Variants in NBAS observed in about 807,000 individuals in gnomAD.
NBAS encodes NBAS subunit of NRZ tethering complex, also known as NAG/BC035112 fusion.
Under a neutral mutation model 302.5 loss-of-function variants are expected in NBAS, and 219 were observed. The ratio of observed to expected loss-of-function variants is 0.72; its 90% confidence interval spans 0.65 to 0.81. The LOEUF is 0.81. Among genes scored for constraint, NBAS ranks in the 30% least tolerant of loss-of-function variants. The pLI is 0.00. For missense variants in NBAS, 2,932 were observed against 2,841.6 expected, an observed-to-expected ratio of 1.03 and a Z score of -0.72; for synonymous variants, 1,118 against 1,021.6, an observed-to-expected ratio of 1.09 and a Z score of -1.80.
chr2:15,271,380 T>C (rs888262408), intron 44 of NBAS, among the ~76,000 whole-genome samples: 1 of 152,226 alleles, frequency 6.6e-6, no homozygotes, highest in Non-Finnish European at 1.5e-5. Context: ...TCAATAATTT[T>C]TCTGCTACAA....
the NBAS span, among the ~76,000 whole-genome samples, chr2:14,984,813 C>A: frequency 6.6e-6 from 1 of 152,172 alleles, no homozygotes; most frequent in East Asian, 1.9e-4. Flanking sequence ...GTAGGCAGGT[C>A]TTTTCCTACC....
chr2:14,860,470 T>C, the NBAS span, among the ~76,000 whole-genome samples: 43,467 of 152,096 alleles, frequency 0.29, 6,969 homozygotes, highest in East Asian at 0.4. Context: ...GAGAATGTGA[T>C]ATATAAACAC....
chr2:15,538,317 G>A, intron 7 of NBAS: 1 of 470,416 alleles, frequency 2.1e-6, no homozygotes, highest in Non-Finnish European at 4.3e-6. Context: ...CCTTATTTTG[G>A]CTAAGATTCC....
chr2:15,561,134 A>G, intron 1 of NBAS, 54 bp downstream of exon 1: 1 of 1,523,842 alleles, frequency 6.6e-7, no homozygotes, highest in Non-Finnish European at 9.0e-7. Context: ...ACGTGGCTCT[A>G]CCCACGAAGC....
At chr2:15,006,695 A>C in the NBAS span, among the ~76,000 whole-genome samples, 1 of 152,242 alleles carries the variant, frequency 6.6e-6, no homozygotes, top group Non-Finnish European at 1.5e-5. Flanking sequence ...ACAATTAAAA[A>C]TACGATTTTT....
intron 32 of NBAS, among the ~76,000 whole-genome samples, chr2:15,362,411 G>T (rs1673978974): frequency 6.6e-6 from 1 of 152,052 alleles, no homozygotes; most frequent in South Asian, 2.1e-4. Flanking sequence ...AGGAGGCTGA[G>T]GCAGGAGGAT....
At chr2:15,024,692 T>A in the NBAS span, among the ~76,000 whole-genome samples, 1 of 152,140 alleles carries the variant, frequency 6.6e-6, no homozygotes, top group Admixed American at 6.5e-5. Flanking sequence ...TCTCATTGTG[T>A]TTGATTTGCA....
At chr2:15,207,158 T>C (rs896534811) in intron 48 of NBAS, among the ~76,000 whole-genome samples, 1 of 152,170 alleles carries the variant, frequency 6.6e-6, no homozygotes, top group African/African-American at 2.4e-5. Context: ...GGAGCCTACA[T>C]CTTGCATGAC....
At chr2:15,287,744 C>A (rs1272782538) in intron 41 of NBAS, among the ~76,000 whole-genome samples, 1 of 151,512 alleles carries the variant, frequency 6.6e-6, no homozygotes, top group Admixed American at 6.6e-5. Flanking sequence ...TAGGCATCCC[C>A]GCATAAACAT....
chr2:15,003,441 C>A, the NBAS span, among the ~76,000 whole-genome samples: 2 of 152,270 alleles, frequency 1.3e-5, no homozygotes, highest in East Asian at 3.9e-4. Context: ...CCAACCCACT[C>A]ATAAAACTTA....
At chr2:15,309,374 C>T in intron 38 of NBAS, 127 bp from the exon 39 acceptor site, 1 of 710,176 alleles carries the variant, frequency 1.4e-6, no homozygotes, top group Non-Finnish European at 2.4e-6. Flanking sequence ...TTAGGAAAGG[C>T]TGTTCAGCAC....
At chr2:14,904,910 G>A in the NBAS span, among the ~76,000 whole-genome samples, 14 of 151,918 alleles carry the variant, frequency 9.2e-5, no homozygotes, top group African/African-American at 2.9e-4. Flanking sequence ...TTAGCCAGGC[G>A]CAGTGGCGGG....
the NBAS span, among the ~76,000 whole-genome samples, chr2:15,122,620 T>A: frequency 3.9e-5 from 6 of 152,132 alleles, no homozygotes; most frequent in East Asian, 1.2e-3. Flanking sequence ...GTATGAGGAC[T>A]AGAAATGTTA....
intron 32 of NBAS, among the ~76,000 whole-genome samples, chr2:15,365,878 CA>C (rs570296874): frequency 8.3e-5 from 12 of 145,454 alleles, no homozygotes; most frequent in Admixed American, 1.4e-4. Flanking sequence ...GACAAAACTA[CA>C]AAAAAAAAAG....
chr2:15,495,265 C>A (rs540822819), intron 11 of NBAS, among the ~76,000 whole-genome samples: 11 of 152,234 alleles, frequency 7.2e-5, no homozygotes, highest in East Asian at 3.9e-4. Flanking sequence ...AAAACAGATA[C>A]GATCCTCTTG....
intron 17 of NBAS, 107 bp downstream of exon 17, chr2:15,468,275 A>T (rs1679810568): frequency 7.5e-7 from 1 of 1,329,026 alleles, no homozygotes; most frequent in Non-Finnish European, 1.1e-6. Flanking sequence ...CAACTGCTTC[A>T]GTACAGAATA....
chr2:15,071,352 G>A, the NBAS span, among the ~76,000 whole-genome samples: 8 of 152,306 alleles, frequency 5.3e-5, no homozygotes, highest in South Asian at 1.0e-3. Flanking sequence ...GGGGCCGGGC[G>A]CGGTGGCTCG....
At chr2:15,558,007 T>G (rs759153514) in intron 2 of NBAS, among the ~76,000 whole-genome samples, 2 of 152,230 alleles carry the variant, frequency 1.3e-5, no homozygotes, top group Non-Finnish European at 2.9e-5. Context: ...TCAGTGTATT[T>G]TCACCTTCAA....
chr2:15,285,612 C>T (rs60562929), intron 42 of NBAS, among the ~76,000 whole-genome samples: 7,479 of 152,264 alleles, frequency 0.049, 481 homozygotes, highest in African/African-American at 0.15. Flanking sequence ...CCTTTTCTCT[C>T]GGCTGTTTCA....
Sources: gnomAD v4.1 joint callset for allele counts (sites outside exome capture counted in the v4.1 genomes callset) on GRCh38, gnomAD v4.1.1 for gene constraint, MANE v1.5 for transcripts, NCBI Gene and HGNC (gene_info 2026-07-23, HGNC 2026-07-21) for gene names.